LRRTM4: variants seen among roughly 807,000 people sequenced by gnomAD.
LRRTM4 encodes leucine rich repeat transmembrane neuronal 4.
LRRTM4 carries 25 observed loss-of-function variants against 47.6 expected under a neutral mutation model. That is an observed-to-expected ratio of 0.53 (90% CI 0.38 to 0.73). The LOEUF is 0.73. LRRTM4 is among the 30% of genes least tolerant of loss of function. LRRTM4 has a pLI of 0.00. For synonymous variants in LRRTM4, 311 were observed against 269.5 expected (o/e 1.15, Z -1.51); for missense variants, 638 against 713.4 (o/e 0.89, Z 1.20).
At chr2:77,073,536 A>G (rs1033341754) in intron 3 of LRRTM4, among the ~76,000 whole-genome samples, 1 of 152,086 alleles carries the variant, frequency 6.6e-6, no homozygotes, top group African/African-American at 2.4e-5. Context: ...CACACAAATC[A>G]TTAGCATTTT....
chr2:76,775,331 G>C lies in LRRTM4; in HGVS notation c.1552-26415C>G, dbSNP rs1458760771. Among the ~76,000 whole-genome samples the C allele has an allele frequency of 5.3e-5, 8 of 152,186 alleles. No homozygotes were observed. The East Asian group carries it at 1.5e-3, about 29-fold the overall frequency. ...TTCTATATAGTACCATGTGTAATGA[G>C]TCTGAAAGGTCCTTATGATCCCCTG... On this transcript the variant is annotated intron_variant, in intron 3 of 3. Transcript: ENST00000409884.
At chr2:76,911,465 C>T (rs10190210) in intron 3 of LRRTM4, among the ~76,000 whole-genome samples, 19,133 of 152,160 alleles carry the variant, frequency 0.13, 1,647 homozygotes, top group East Asian at 0.46. Context: ...TTTGTATTCC[C>T]ATCAAGAATT....
chr2:77,361,235 A>T (rs200211200), intron 3 of LRRTM4, among the ~76,000 whole-genome samples: 1 of 54,066 alleles, frequency 1.8e-5, no homozygotes, highest in Non-Finnish European at 4.2e-5. Flanking sequence ...CTCCTTCATT[A>T]AAAAAAAAAA....
chr2:77,472,590 C>G (rs1215867044), intron 3 of LRRTM4, among the ~76,000 whole-genome samples: 3 of 151,868 alleles, frequency 2.0e-5, no homozygotes, highest in African/African-American at 7.3e-5. Context: ...TTGTCTATAC[C>G]AAGAATGTAG....
At chr2:76,986,322 TAGA>T (rs1676793338) in intron 3 of LRRTM4, among the ~76,000 whole-genome samples, 2 of 150,392 alleles carry the variant, frequency 1.3e-5, no homozygotes, top group South Asian at 4.2e-4. Flanking sequence ...TTTAGCACTG[TAGA>T]AGATTTCATT....
chr2:77,253,950 A>T (rs1382426808), intron 3 of LRRTM4, among the ~76,000 whole-genome samples: 2 of 150,384 alleles, frequency 1.3e-5, no homozygotes, highest in Non-Finnish European at 2.9e-5. Flanking sequence ...AGTTAAAGAA[A>T]CAGTCTGAAA....
chr2:77,438,629 A>G (rs1490017291), intron 3 of LRRTM4, among the ~76,000 whole-genome samples: 1 of 152,024 alleles, frequency 6.6e-6, no homozygotes, highest in Non-Finnish European at 1.5e-5. Context: ...GATGGTCTCG[A>G]TCTCCTGACC....
chr2:77,463,841 G>T (rs1362206641), intron 3 of LRRTM4, among the ~76,000 whole-genome samples: 2 of 152,076 alleles, frequency 1.3e-5, no homozygotes, highest in Non-Finnish European at 2.9e-5. Flanking sequence ...CCACATGGCG[G>T]GTGGCAGTGT....
chr2:77,115,292 C>T (rs949694801), intron 3 of LRRTM4, among the ~76,000 whole-genome samples: 5 of 152,248 alleles, frequency 3.3e-5, no homozygotes, highest in African/African-American at 7.2e-5. Context: ...CCCTGAAAAT[C>T]GCTGTTATCC....
rs80329048 is a variant in LRRTM4 at position 76,935,202 on chromosome 2, T to C, written c.1552-186286A>G. Reference sequence around the variant, plus strand: ...TCCCAAACCTAAGTAATGGGACACATATTCTTTCAGGCCAAATTGTATATT... The same window carrying C: ...TCCCAAACCTAAGTAATGGGACACACATTCTTTCAGGCCAAATTGTATATT... On this transcript the variant is annotated intron_variant, in intron 3 of 3. Transcript: ENST00000409884. Among the ~76,000 whole-genome samples the C allele has an allele frequency of 7.8e-3, 1,187 of 152,216 alleles. 19 individuals are homozygous for C. Among genetic ancestry groups the C allele is most frequent in the African/African-American group, 0.027 (1,131 of 41,540 alleles).
At chr2:76,893,316 C>T (rs1673312527) in intron 3 of LRRTM4, among the ~76,000 whole-genome samples, 1 of 151,412 alleles carries the variant, frequency 6.6e-6, no homozygotes, top group Non-Finnish European at 1.5e-5. Context: ...TGGCAACTTT[C>T]CAAGAAAGGG....
Position 76,861,044 on chromosome 2 carries a change from C to T in LRRTM4, c.1552-112128G>A, listed in dbSNP as rs556772028. On this transcript the variant is annotated intron_variant, in intron 3 of 3. Transcript: ENST00000409884. ...AGAGGTGATAGTTTTTCTGTTTTTT[C>T]CCTTTTTAGAATCAAAATAGGAAGA... Among the ~76,000 whole-genome samples the T allele has an allele frequency of 5.4e-4, 82 of 152,028 alleles. 1 individual carries two copies. The Middle Eastern group carries it at 0.024, about 45-fold the overall frequency.
chr2:77,221,090 A>G (rs1558640109), intron 3 of LRRTM4, among the ~76,000 whole-genome samples: 2 of 152,200 alleles, frequency 1.3e-5, no homozygotes, highest in Admixed American at 6.5e-5. Flanking sequence ...CCAGAATTTC[A>G]TATCCAGCCA....
intron 3 of LRRTM4, among the ~76,000 whole-genome samples, chr2:76,803,688 A>C (rs930338060): frequency 6.6e-6 from 1 of 152,194 alleles, no homozygotes; most frequent in Non-Finnish European, 1.5e-5. Context: ...TGGCATGTCT[A>C]CAAATGCTAT....
At chr2:77,503,787 T>A (rs1678662833) in intron 3 of LRRTM4, among the ~76,000 whole-genome samples, 1 of 151,478 alleles carries the variant, frequency 6.6e-6, no homozygotes, top group Non-Finnish European at 1.5e-5. Context: ...TGTACAGAAG[T>A]CAAGGGAGGA....
chr2:77,161,645 G>A (rs979606522), intron 3 of LRRTM4, among the ~76,000 whole-genome samples: 3 of 151,878 alleles, frequency 2.0e-5, no homozygotes, highest in Non-Finnish European at 4.4e-5. Context: ...CCAATATATT[G>A]GAAAAACATC....
chr2:77,389,856 G>A (rs1573350460), intron 3 of LRRTM4, among the ~76,000 whole-genome samples: 1 of 151,736 alleles, frequency 6.6e-6, no homozygotes, highest in Non-Finnish European at 1.5e-5. Context: ...CTAATATGTG[G>A]CAGACACTGC....
chr2:76,859,411 T>G (rs1672247723), intron 3 of LRRTM4, among the ~76,000 whole-genome samples: 1 of 152,190 alleles, frequency 6.6e-6, no homozygotes, highest in Non-Finnish European at 1.5e-5. Context: ...GTATTATATA[T>G]TCAATAAATG....
intron 3 of LRRTM4, among the ~76,000 whole-genome samples, chr2:76,822,591 A>G (rs1401567893): frequency 6.6e-6 from 1 of 151,586 alleles, no homozygotes; most frequent in Non-Finnish European, 1.5e-5. Context: ...AACATGTAAA[A>G]AAACACTGCC....
Sources: allele counts gnomAD v4.1 joint callset (sites outside exome capture counted in the v4.1 genomes callset), GRCh38; gene constraint gnomAD v4.1.1; transcripts MANE v1.5; gene names NCBI Gene and HGNC (gene_info 2026-07-23, HGNC 2026-07-21).